Variants in IGF2BP2 observed in about 807,000 individuals in gnomAD.
IGF2BP2 encodes the protein insulin-like growth factor 2 mRNA-binding protein 2.
IGF2BP2 carries 17 observed loss-of-function variants against 75.8 expected under a neutral mutation model. The ratio of observed to expected loss-of-function variants is 0.22; its 90% CI spans 0.15 to 0.34. The LOEUF (loss-of-function observed/expected upper bound fraction) is 0.34. IGF2BP2 is among the 10% of genes least tolerant of loss of function. The pLI, the probability that IGF2BP2 is intolerant of heterozygous loss-of-function variation, is 1.00. For missense variants in IGF2BP2, 516 were observed against 772.4 expected (o/e 0.67, Z 3.93); for synonymous variants, 288 against 295.6 (o/e 0.97, Z 0.26).
At chr3:185,797,843 C>A (rs1737638871) in intron 2 of IGF2BP2, among the ~76,000 whole-genome samples, 1 of 147,754 alleles carries the variant, frequency 6.8e-6, no homozygotes. Context: ...GAGGTCAAGG[C>A]TCCGGTAAGC....
chr3:185,784,052 T>C (rs1031292198), intron 2 of IGF2BP2, among the ~76,000 whole-genome samples: 6 of 152,208 alleles, frequency 3.9e-5, no homozygotes, highest in African/African-American at 1.4e-4. Context: ...CTAGCCAACA[T>C]GGTGAACTTC....
intron 2 of IGF2BP2, among the ~76,000 whole-genome samples, chr3:185,714,652 A>G (rs1278428109): frequency 6.6e-6 from 1 of 152,174 alleles, no homozygotes; most frequent in Non-Finnish European, 1.5e-5. Context: ...TTTTTCATAT[A>G]TTAAAGAACC....
intron 4 of IGF2BP2, among the ~76,000 whole-genome samples, chr3:185,695,545 T>C (rs926669057): frequency 1.3e-5 from 2 of 152,208 alleles, no homozygotes; most frequent in African/African-American, 4.8e-5. Context: ...AAGGCAAAAA[T>C]AATCTTTATC....
At chr3:185,783,242 A>C (rs1735434285) in intron 2 of IGF2BP2, among the ~76,000 whole-genome samples, 1 of 152,224 alleles carries the variant, frequency 6.6e-6, no homozygotes, top group Admixed American at 6.5e-5. Flanking sequence ...ACAGATTTCT[A>C]AACATCTGGA....
chr3:185,796,617 G>T (rs1274468301), intron 2 of IGF2BP2, among the ~76,000 whole-genome samples: 1 of 75,934 alleles, frequency 1.3e-5, no homozygotes, highest in Non-Finnish European at 2.7e-5. Context: ...CCTGAGCTAG[G>T]AAAAAAAAAA....
At chr3:185,702,558 G>C (rs1387665338) in intron 2 of IGF2BP2, among the ~76,000 whole-genome samples, 1 of 152,044 alleles carries the variant, frequency 6.6e-6, no homozygotes, top group Non-Finnish European at 1.5e-5. Context: ...CTAATTACAG[G>C]TAAAAGGCAT....
At chr3:185,793,808 G>C (rs1319873553) in intron 2 of IGF2BP2, among the ~76,000 whole-genome samples, 1 of 152,046 alleles carries the variant, frequency 6.6e-6, no homozygotes, top group African/African-American at 2.4e-5. Context: ...TTGGAACCCT[G>C]GAATTCCAAG....
In IGF2BP2 at chr3:185,824,942, T is replaced by C. The variant is rs376662015; in HGVS notation, c.19A>G (p.Ile7Val). MMNKLY[I>V]GNLSPAVTAD... ...GTGACGGCGGGGCTCAGGTTCCCGA[T>C]GTAAAGCTTGTTCATCATCCGTCTC... The change falls in exon 1 of 16, where the codon ATC becomes GTC. Residue 7 changes from isoleucine (I) to valine (V), a missense_variant. Coordinates refer to ENST00000382199, the MANE Select transcript of IGF2BP2 (RefSeq NM_006548.6). 7 of 1,549,074 alleles carry C rather than the reference T, an allele frequency of 4.5e-6. No individual in the cohort carries two copies. In the African/African-American group the frequency reaches 9.8e-5, roughly 22 times the overall value.
chr3:185,708,724 A>G (rs1724397042), intron 2 of IGF2BP2, among the ~76,000 whole-genome samples: 3 of 152,172 alleles, frequency 2.0e-5, no homozygotes, highest in South Asian at 4.1e-4. Flanking sequence ...TCCTCAAAGC[A>G]TGGATTGCTC....
rs1560272323 is a variant in IGF2BP2 at position 185,675,870 on chromosome 3, C to T, written c.856G>A (p.Val286Ile). 1.9e-6 allele frequency: 3 copies of T among 1,614,070 alleles called. No homozygotes were observed. Among genetic ancestry groups the T allele is most frequent in the Admixed American group, 3.3e-5 (2 of 60,026 alleles). ...CCTTCTTTTCCAATCAGTCTTCCAA[C>T]CAAGCCATTGTGTGCCAAGATTTTC... ...PLKILAHNGL[V>I]GRLIGKEGRN... Residue 286 changes from valine (V) to isoleucine (I), a missense_variant, in exon 8 of 16, where the codon GTT becomes ATT. By Grantham distance (29) the Val-to-Ile change is conservative. Transcript: ENST00000382199.
Position 185,664,408 on chromosome 3 carries a change from T to C in IGF2BP2, c.1201-5999A>G, listed in dbSNP as rs1025008453. Among the ~76,000 whole-genome samples the C allele has an allele frequency of 2.0e-5, 3 of 152,108 alleles. No individual in the cohort carries two copies. The South Asian group carries it at 6.2e-4, about 32-fold the overall frequency. The stretch of plus-strand genomic sequence containing the variant: ...TGTTGAATGCATTTAAATATATAAA[T>C]GGACAATTAAAATCCATTAGACATA... On this transcript the variant is annotated intron_variant, in intron 10 of 15. Coordinates refer to ENST00000382199, the MANE Select transcript of IGF2BP2 (RefSeq NM_006548.6).
chr3:185,790,097 T>TC (rs1446168882), intron 2 of IGF2BP2, among the ~76,000 whole-genome samples: 1 of 152,128 alleles, frequency 6.6e-6, no homozygotes, highest in Non-Finnish European at 1.5e-5. Flanking sequence ...ATGTGCATCA[T>TC]CCCAGAAGTA....
intron 2 of IGF2BP2, among the ~76,000 whole-genome samples, chr3:185,765,705 AC>A (rs1027478331): frequency 6.6e-6 from 1 of 152,190 alleles, no homozygotes; most frequent in Non-Finnish European, 1.5e-5. Context: ...CAGCAGCTTC[AC>A]CCCACATCTT....
chr3:185,788,557 A>G (rs1198734546), intron 2 of IGF2BP2, among the ~76,000 whole-genome samples: 6 of 152,124 alleles, frequency 3.9e-5, no homozygotes, highest in Non-Finnish European at 8.8e-5. Context: ...ATGCCTTGAT[A>G]TGTTTATTTC....
intron 2 of IGF2BP2, among the ~76,000 whole-genome samples, chr3:185,807,119 T>A (rs764509965): frequency 6.6e-6 from 1 of 152,162 alleles, no homozygotes; most frequent in Non-Finnish European, 1.5e-5. Flanking sequence ...AACAACTTTA[T>A]TGATACTAGA....
At chr3:185,727,728 T>A (rs1727557792) in intron 2 of IGF2BP2, among the ~76,000 whole-genome samples, 1 of 152,174 alleles carries the variant, frequency 6.6e-6, no homozygotes, top group Non-Finnish European at 1.5e-5. Context: ...ATAAACAAAG[T>A]TGGCACAGGG....
At chr3:185,698,856 C>G (rs9832412) in intron 2 of IGF2BP2, among the ~76,000 whole-genome samples, 17,320 of 151,780 alleles carry the variant, frequency 0.11, 1,160 homozygotes, top group South Asian at 0.34. Flanking sequence ...ACTCTGTCAT[C>G]CAGGCTGGAG....
At chr3:185,807,570 A>G (rs1207098448) in intron 2 of IGF2BP2, among the ~76,000 whole-genome samples, 1 of 152,238 alleles carries the variant, frequency 6.6e-6, no homozygotes, top group African/African-American at 2.4e-5. Context: ...GACTTTTCCT[A>G]ATTATTAAAA....
intron 12 of IGF2BP2, among the ~76,000 whole-genome samples, chr3:185,655,954 C>G (rs1208759036): frequency 6.6e-6 from 1 of 152,250 alleles, no homozygotes; most frequent in Admixed American, 6.5e-5. Context: ...TCCCAGAAGT[C>G]AGCAGAATTT....
Sources: allele counts gnomAD v4.1 joint callset (sites outside exome capture counted in the v4.1 genomes callset), GRCh38; gene constraint gnomAD v4.1.1; transcripts MANE v1.5; gene names NCBI Gene and HGNC (gene_info 2026-07-23, HGNC 2026-07-21).